SAP130: variants seen among roughly 807,000 people sequenced by gnomAD.
SAP130 encodes the protein histone deacetylase complex subunit SAP130.
Under a neutral mutation model 103.2 loss-of-function variants are expected in SAP130, and 16 were observed. That is an observed-to-expected ratio of 0.16 (90% CI 0.10 to 0.24). The LOEUF (loss-of-function observed/expected upper bound fraction) is 0.24, where lower values mean the gene tolerates loss of function less well. Among genes scored for constraint, SAP130 ranks in the 10% least tolerant of loss-of-function variants. SAP130 has a pLI of 1.00. For synonymous variants in SAP130, 477 were observed against 497.0 expected, an observed-to-expected ratio of 0.96 and a Z score of 0.53; for missense variants, 990 against 1,359.7, an observed-to-expected ratio of 0.73 and a Z score of 4.28.
Position 128,015,870 on chromosome 2 carries a change from C to T in SAP130, c.507+519G>A, listed in dbSNP as rs182338526. On this transcript the variant is annotated intron_variant, in intron 4 of 20. Transcript: ENST00000643581. ...GCAAGAGAATGGCTCGAACACGGGA[C>T]GTGGACGTTGCTGTGAGCCAAGACT... Among the ~76,000 whole-genome samples the T allele has an allele frequency of 4.5e-3, 674 of 148,680 alleles. 6 individuals carry two copies. The highest frequency in any genetic ancestry group is 0.016 in the African/African-American group (628 of 39,946).
chr2:128,009,660 C>T (rs1255804113), intron 7 of SAP130, among the ~76,000 whole-genome samples: 1 of 152,140 alleles, frequency 6.6e-6, no homozygotes, highest in Non-Finnish European at 1.5e-5. Flanking sequence ...GCTAAAAACT[C>T]CACTAAGGCT....
chr2:128,022,690 T>G (rs532690475), intron 2 of SAP130, among the ~76,000 whole-genome samples: 232 of 152,340 alleles, frequency 1.5e-3, no homozygotes, highest in African/African-American at 5.3e-3. Context: ...GGTTTTAATG[T>G]GCACTGCCCT....
rs1184403125 is a variant in SAP130, at chr2:128,016,425, A to C, written c.471T>G (p.Ala157=). 1 of 1,613,936 alleles carries C rather than the reference A, an allele frequency of 6.2e-7. No homozygotes were observed. ...TGATTGTTGCCACAGGAATGGCTGA[A>C]GCTTGAGGGATGCTACTCTCCATGG... ...TVTMESSIPQ[A]SAIPVATISG... The change falls in exon 4 of 21, where the codon GCT becomes GCG. Residue 157 remains alanine, a synonymous_variant. Transcript: ENST00000643581.
chr2:128,019,873 C>G (rs1685035351), intron 2 of SAP130, among the ~76,000 whole-genome samples: 1 of 150,734 alleles, frequency 6.6e-6, no homozygotes, highest in African/African-American at 2.4e-5. Flanking sequence ...GAGCAAAACT[C>G]TGTGTCAAAA....
At chr2:127,987,636 T>C (rs1180803995) in intron 13 of SAP130, among the ~76,000 whole-genome samples, 2 of 152,170 alleles carry the variant, frequency 1.3e-5, no homozygotes, top group Admixed American at 6.6e-5. Flanking sequence ...GTAATTTCCA[T>C]TTTAGAGATA....
At chr2:128,015,342 T>TG (rs1390243670) in intron 4 of SAP130, among the ~76,000 whole-genome samples, 4 of 152,154 alleles carry the variant, frequency 2.6e-5, no homozygotes, top group African/African-American at 9.7e-5. Context: ...ATCCAACAGG[T>TG]GCTCCCTACC....
intron 2 of SAP130, among the ~76,000 whole-genome samples, chr2:128,025,729 G>C (rs1042784529): frequency 2.0e-5 from 3 of 152,118 alleles, no homozygotes; most frequent in Non-Finnish European, 4.4e-5. Flanking sequence ...TCAGAAAGTG[G>C]AGCATCATGG....
chr2:127,993,080 A>T (rs1312336653), intron 12 of SAP130, 107 bp downstream of exon 12: 32 of 1,316,126 alleles, frequency 2.4e-5, no homozygotes, highest in Non-Finnish European at 3.4e-5. Context: ...CTGAAAACAG[A>T]AGCTGAAATA....
At position 128,024,219 on chromosome 2, in the gene SAP130, CT is replaced by C. The variant is rs1685342486; in HGVS notation, c.112+1961del. On this transcript the variant is annotated intron_variant, in intron 2 of 20. Transcript: ENST00000643581. ...TGGCGGCCACCCAAGTGGCTCACAC[CT>C]GTAATCCCAGAATTTTGGGAGGCCT... 6.6e-5 allele frequency among the ~76,000 whole-genome samples: 10 copies of C among 152,188 alleles called. No individual in the cohort carries two copies. In the South Asian group the frequency reaches 1.9e-3, roughly 28 times the overall value.
chr2:127,958,848 G>A lies in SAP130; in HGVS notation c.2064-3504C>T, dbSNP rs781579902. ...TAAGTTTTGTATTTTTTGTAAAGGC[G>A]GGGTTTCACCATATTGACCAGGCTG... On this transcript the variant is annotated intron_variant, in intron 15 of 20. Coordinates refer to ENST00000643581, the MANE Select transcript of SAP130 (RefSeq NM_001330301.2). Among the ~76,000 whole-genome samples, 7 of 151,992 alleles carry A rather than the reference G, an allele frequency of 4.6e-5. No homozygotes were observed. The South Asian group carries it at 1.0e-3, about 23-fold the overall frequency.
Position 127,955,404 on chromosome 2 carries a change from C to G in SAP130, c.2064-60G>C. On this transcript the variant is annotated intron_variant, in intron 15 of 20. Coordinates refer to ENST00000643581, the MANE Select transcript of SAP130 (RefSeq NM_001330301.2). The surrounding 1 kb of genome is among the most constrained non-coding windows in gnomAD (Gnocchi z 4.9). ...AGAAAAAAACTGCCTTCATCTACAA[C>G]ATCTCAGAGGATGAGTATTTGTCCA... The G allele has an allele frequency of 1.9e-6, 2 of 1,043,052 alleles. No homozygotes were observed. The highest frequency in any genetic ancestry group is 2.8e-6 in the Non-Finnish European group (2 of 702,086). 64.6% of individuals were successfully genotyped at this position (1,043,052 alleles called of 1,614,324 possible). A position where few individuals can be genotyped will look rare whatever the true frequency, so the allele number is the denominator to read the frequency against.
Position 127,955,098 on chromosome 2 carries a change from T to C in SAP130, c.2310A>G (p.Pro770=), listed in dbSNP as rs1312451574. 2 of 1,613,674 alleles carry C rather than the reference T, an allele frequency of 1.2e-6. No individual in the cohort carries two copies. The highest frequency in any genetic ancestry group is 1.7e-5 in the Admixed American group (1 of 59,950). The change falls in exon 16 of 21, where the codon CCA becomes CCG. Residue 770 remains proline, a synonymous_variant. Coordinates refer to ENST00000643581, the MANE Select transcript of SAP130 (RefSeq NM_001330301.2). This position sits in a 1 kb window ranked among gnomAD's most constrained non-coding sequence, Gnocchi z 4.9. ...TGCCACCCACAGTGACTGATGGAGG[T>C]GGTGCAGCTGCAATGGTGGTGATGG... ...TPPITTIAAA[P]PPSVTVGGSL... is the part of the protein sequence containing the mutation.
chr2:127,943,214 A>G, intron 19 of SAP130, among the ~76,000 whole-genome samples: 1 of 152,082 alleles, frequency 6.6e-6, no homozygotes, highest in East Asian at 1.9e-4. Flanking sequence ...AGATACTGAC[A>G]ACAGACAATG....
At chr2:127,991,016 C>T (rs1573760887) in intron 12 of SAP130, among the ~76,000 whole-genome samples, 2 of 151,476 alleles carry the variant, frequency 1.3e-5, no homozygotes, top group Non-Finnish European at 2.9e-5. Flanking sequence ...TTTGGGAGGC[C>T]GAGGCAGGCG....
intron 15 of SAP130, among the ~76,000 whole-genome samples, chr2:127,977,166 T>A (rs1681521826): frequency 6.6e-6 from 1 of 152,042 alleles, no homozygotes; most frequent in African/African-American, 2.4e-5. Context: ...AGTATAATAT[T>A]ACTTGTGGAA....
intron 19 of SAP130, among the ~76,000 whole-genome samples, chr2:127,943,560 CCAT>C (rs1450067899): frequency 1.3e-5 from 2 of 152,200 alleles, no homozygotes; most frequent in Non-Finnish European, 2.9e-5. Context: ...AACATGTACA[CCAT>C]GTTACTGCAA....
At chr2:128,009,892 TTA>T (rs1301487324) in intron 7 of SAP130, among the ~76,000 whole-genome samples, 3 of 152,214 alleles carry the variant, frequency 2.0e-5, no homozygotes, top group Non-Finnish European at 4.4e-5. Flanking sequence ...ACTCACTTCA[TTA>T]TATCTTTTCA....
chr2:128,001,048 T>C (rs1683524148), intron 7 of SAP130, among the ~76,000 whole-genome samples: 1 of 152,196 alleles, frequency 6.6e-6, no homozygotes, highest in Non-Finnish European at 1.5e-5. Flanking sequence ...CTATGACCCT[T>C]GAAGCATGGA....
intron 2 of SAP130, among the ~76,000 whole-genome samples, chr2:128,023,269 C>T (rs771766922): frequency 6.6e-6 from 1 of 152,052 alleles, no homozygotes; most frequent in Non-Finnish European, 1.5e-5. Flanking sequence ...GCTAGGATTA[C>T]AGGCATGAGC....
Sources: gnomAD v4.1 joint callset for allele counts (sites outside exome capture counted in the v4.1 genomes callset) on GRCh38, gnomAD v4.1.1 for gene constraint, Gnocchi (gnomAD v3.1) non-coding constraint, MANE v1.5 for transcripts, NCBI Gene and HGNC (gene_info 2026-07-23, HGNC 2026-07-21) for gene names.